DEPDC5: variants seen among roughly 807,000 people sequenced by gnomAD.
The protein encoded by DEPDC5 is GATOR1 complex protein DEPDC5.
Under a neutral mutation model 217.3 loss-of-function variants are expected in DEPDC5, and 73 were observed. The ratio of observed to expected loss-of-function variants is 0.34; its 90% CI spans 0.28 to 0.41. The LOEUF is 0.41. Among genes scored for constraint, DEPDC5 ranks in the 10% least tolerant of loss-of-function variants. The pLI is 1.00. For missense variants in DEPDC5, 1,675 were observed against 2,070.1 expected (o/e 0.81, Z 3.70); for synonymous variants, 733 against 756.7 (o/e 0.97, Z 0.51).
chr22:31,879,781 G>A, intron 38 of DEPDC5, 29 bp downstream of exon 38: 1 of 1,594,340 alleles, frequency 6.3e-7, no homozygotes, highest in Non-Finnish European at 8.6e-7. Context: ...CAAGGTCTGA[G>A]GGTGTGCCAG....
At chr22:31,894,034 C>T (rs2093496218) in intron 39 of DEPDC5, 1 of 235,326 alleles carries the variant, frequency 4.2e-6, no homozygotes, top group South Asian at 1.1e-4. Flanking sequence ...AGCAACAACC[C>T]TAGCCTCTAC....
chr22:31,814,963 A>T, intron 20 of DEPDC5, 29 bp from the exon 21 acceptor site: 1 of 1,612,932 alleles, frequency 6.2e-7, no homozygotes, highest in Non-Finnish European at 8.5e-7. Flanking sequence ...CCCTCGCTTG[A>T]TGGTAACTTT....
In DEPDC5 at chr22:31,843,789, T is replaced by C. The variant is rs773668258; in HGVS notation, c.2778T>C (p.Cys926=). The C allele has an allele frequency of 2.5e-6, 4 of 1,607,576 alleles. No individual in the cohort carries two copies. In the African/African-American group the frequency reaches 5.3e-5, roughly 21 times the overall value. The change falls in exon 29 of 43, where the codon TGT becomes TGC. Residue 926 remains cysteine, a synonymous_variant. Coordinates refer to ENST00000651528, the MANE Select transcript of DEPDC5 (RefSeq NM_001242896.3). ...YKWNYLDQYI[C]SAGSEDFSLI... is the part of the protein sequence containing the mutation. ...GGAATTACTTAGATCAGTATATCTG[T>C]TCTGCCGGCTCTGAAGACTTCAGGT...
intron 38 of DEPDC5, among the ~76,000 whole-genome samples, chr22:31,883,406 ACTCTG>A (rs771903087): frequency 2.0e-5 from 3 of 151,702 alleles, no homozygotes; most frequent in African/African-American, 4.8e-5. Context: ...ACTGTCCTCC[ACTCTG>A]CTCTGCTCTG....
Position 31,802,795 on chromosome 22 carries a change from C to G in DEPDC5, c.1038C>G (p.Asp346Glu), listed in dbSNP as rs1394753838. 8 of 1,607,246 alleles carry G rather than the reference C, an allele frequency of 5.0e-6. No homozygotes were observed. Among genetic ancestry groups the G allele is most frequent in the Non-Finnish European group, 6.8e-6 (8 of 1,177,236 alleles). ...CCGGGGTGGGTGTCTTTGAAGTGGA[C>G]CGCCTACTCATGATCCTGACCAAGC... is the stretch of plus-strand genomic sequence containing the variant. Reference protein sequence around the residue: ...ITPGVGVFEVDRLLMILTKQR... With the variant: ...ITPGVGVFEVERLLMILTKQR... Residue 346 changes from aspartate (D) to glutamate (E), a missense_variant, in exon 15 of 43, where the codon GAC becomes GAG. Transcript: ENST00000651528.
intron 2 of DEPDC5, among the ~76,000 whole-genome samples, chr22:31,756,285 T>C (rs750351160): frequency 6.6e-6 from 1 of 152,214 alleles, no homozygotes; most frequent in Non-Finnish European, 1.5e-5. Flanking sequence ...CAATAGTTTC[T>C]CTATCATAGA....
chr22:31,792,600 T>A, intron 11 of DEPDC5, 145 bp from the exon 12 acceptor site: 1 of 477,332 alleles, frequency 2.1e-6, no homozygotes, highest in Non-Finnish European at 3.3e-6. Flanking sequence ...AGTGAGACCT[T>A]GTCTCAAAAA....
intron 11 of DEPDC5, 46 bp downstream of exon 11, chr22:31,792,148 C>A: frequency 7.3e-7 from 1 of 1,374,960 alleles, no homozygotes; most frequent in Non-Finnish European, 1.0e-6. Context: ...GTTAAGCTTC[C>A]CCCAACCCCA....
rs531103158 is a variant in DEPDC5, at chr22:31,861,555, G to C, written c.3330+122G>C. On this transcript the variant is annotated intron_variant, in intron 33 of 42. Transcript: ENST00000651528. ...CTAAGTTTGGGGGGCAGTTGAACTT[G>C]AATTTGGTCTCAGAATTGTACATTC... 1.9e-5 allele frequency: 19 copies of C among 1,018,094 alleles called. No homozygotes were observed. The East Asian group carries it at 3.7e-4, about 20-fold the overall frequency. 63.1% of individuals were successfully genotyped at this position (1,018,094 alleles called of 1,614,324 possible).
chr22:31,787,213 G>A (rs2085092795), intron 10 of DEPDC5, among the ~76,000 whole-genome samples: 2 of 151,892 alleles, frequency 1.3e-5, no homozygotes. Flanking sequence ...AGCCTTAGTA[G>A]CTGAGACTAC....
At chr22:31,873,170 A>G in intron 34 of DEPDC5, 85 bp from the exon 35 acceptor site, 1 of 1,607,388 alleles carries the variant, frequency 6.2e-7, no homozygotes, top group Non-Finnish European at 8.5e-7. Flanking sequence ...CTGGCTCCAT[A>G]GGAAGTGGAG....
rs780296225 is a variant in DEPDC5, at chr22:31,822,708, C to A, written c.2022C>A (p.Arg674=). ...HEAAGRHSNS[R]QPGDGMSFLN... ...TTCTCTGCAGGCACAGCAATTCCCGCCAGCCTGGTGACGGCATGTCCTTCT... is the reference window on the plus strand; with the variant it reads ...TTCTCTGCAGGCACAGCAATTCCCGACAGCCTGGTGACGGCATGTCCTTCT... The change falls in exon 24 of 43, where the codon CGC becomes CGA. Residue 674 remains arginine, a synonymous_variant. Coordinates refer to ENST00000651528, the MANE Select transcript of DEPDC5 (RefSeq NM_001242896.3). 1 of 1,614,136 alleles carries A rather than the reference C, an allele frequency of 6.2e-7. No individual in the cohort carries two copies. Among genetic ancestry groups the A allele is most frequent in the South Asian group, 1.1e-5 (1 of 91,068 alleles).
In DEPDC5 at chr22:31,810,603, GCCCGGCCCATC is replaced by G; in HGVS notation, c.1410_1420del (p.Ser473ValfsTer23). 6.2e-7 allele frequency: 1 copy of G among 1,614,170 alleles called. No individual in the cohort carries two copies. The highest frequency in any genetic ancestry group is 8.5e-7 in the Non-Finnish European group (1 of 1,180,036). ...CCTATGACGCTCAAGTGTTCAGGCT[GCCCGGCCCATC>G]CCGGGCCCAGTGCCTCACCACCTGC... On this transcript the variant is annotated frameshift_variant, in exon 20 of 43. Coordinates refer to ENST00000651528, the MANE Select transcript of DEPDC5 (RefSeq NM_001242896.3). LOFTEE classifies it high-confidence loss of function.
intron 24 of DEPDC5, among the ~76,000 whole-genome samples, chr22:31,833,416 G>T (rs1202977328): frequency 6.6e-6 from 1 of 152,160 alleles, no homozygotes; most frequent in Non-Finnish European, 1.5e-5. Context: ...ATGATTTGGG[G>T]AAGAAAATTC....
chr22:31,836,773 G>A, intron 25 of DEPDC5, 199 bp from the exon 26 acceptor site: 1 of 585,100 alleles, frequency 1.7e-6, no homozygotes, highest in South Asian at 2.1e-5. Flanking sequence ...GGATAAGCAT[G>A]TGCACTGCAT....
chr22:31,891,917 C>T (rs1201108301), intron 38 of DEPDC5, among the ~76,000 whole-genome samples: 1 of 152,190 alleles, frequency 6.6e-6, no homozygotes, highest in Non-Finnish European at 1.5e-5. Flanking sequence ...TCTGAAACAT[C>T]CTATCTTGAG....
intron 9 of DEPDC5, 58 bp from the exon 10 acceptor site, chr22:31,784,756 A>T: frequency 6.5e-7 from 1 of 1,538,680 alleles, no homozygotes; most frequent in Non-Finnish European, 8.9e-7. Flanking sequence ...AAGAAATTGC[A>T]AGCAAGAAAT....
At chr22:31,885,265 C>T (rs978618602) in intron 38 of DEPDC5, among the ~76,000 whole-genome samples, 7 of 152,302 alleles carry the variant, frequency 4.6e-5, no homozygotes, top group Middle Eastern at 3.4e-3. Context: ...GTCCCCTGTC[C>T]GCCTCCTATG....
chr22:31,865,524 C>A (rs1743688027), intron 33 of DEPDC5, among the ~76,000 whole-genome samples: 1 of 151,758 alleles, frequency 6.6e-6, no homozygotes, highest in South Asian at 2.1e-4. Flanking sequence ...CAAAACAAAA[C>A]ATATATATAT....
Sources: allele counts gnomAD v4.1 joint callset (sites outside exome capture counted in the v4.1 genomes callset), GRCh38; gene constraint gnomAD v4.1.1; transcripts MANE v1.5; gene names NCBI Gene and HGNC (gene_info 2026-07-23, HGNC 2026-07-21).